The following NMNAT2 variants were observed in gnomAD, a reference collection of about 807,000 sequenced individuals.
NMNAT2 encodes the protein nicotinamide/nicotinic acid mononucleotide adenylyltransferase 2.
Under a neutral mutation model 41.6 loss-of-function variants are expected in NMNAT2, and 11 were observed. The observed-to-expected ratio is 0.26, with a 90% confidence interval of 0.17 to 0.44. The LOEUF (loss-of-function observed/expected upper bound fraction) is 0.44. Ranked by LOEUF, NMNAT2 falls within the 20% of genes least tolerant of loss-of-function variation. NMNAT2 has a pLI of 1.00. For synonymous variants in NMNAT2, 148 were observed against 151.2 expected, an observed-to-expected ratio of 0.98 and a Z score of 0.16; for missense variants, 288 against 407.7, an observed-to-expected ratio of 0.71 and a Z score of 2.53.
intron 1 of NMNAT2, among the ~76,000 whole-genome samples, chr1:183,308,475 C>G (rs547767819): frequency 3.3e-5 from 5 of 152,326 alleles, no homozygotes; most frequent in Non-Finnish European, 5.9e-5. Context: ...ACAGAAAAAA[C>G]TTGCACATGT....
At chr1:183,337,586 A>T (rs1438690994) in intron 1 of NMNAT2, among the ~76,000 whole-genome samples, 1 of 151,714 alleles carries the variant, frequency 6.6e-6, no homozygotes, top group Non-Finnish European at 1.5e-5. Context: ...AAAAAAAAAA[A>T]AAATACCATA....
At chr1:183,398,093 C>G (rs1054896356) in intron 1 of NMNAT2, among the ~76,000 whole-genome samples, 1 of 152,082 alleles carries the variant, frequency 6.6e-6, no homozygotes, top group Non-Finnish European at 1.5e-5. Context: ...GCTAAATGCT[C>G]CAATTAAAAG....
At chr1:183,257,805 C>T (rs1456013697) in intron 10 of NMNAT2, among the ~76,000 whole-genome samples, 1 of 147,860 alleles carries the variant, frequency 6.8e-6, no homozygotes, top group Non-Finnish European at 1.5e-5. Flanking sequence ...TTTCAAAAAA[C>T]CAACTCTTCA....
chr1:183,272,930 T>A (rs1442938798), intron 8 of NMNAT2, among the ~76,000 whole-genome samples: 2 of 152,200 alleles, frequency 1.3e-5, no homozygotes, highest in East Asian at 3.8e-4. Context: ...TGCCCTTCTG[T>A]CCCCAGTCAT....
chr1:183,410,774 A>T (rs1452881179), intron 1 of NMNAT2, among the ~76,000 whole-genome samples: 1 of 150,478 alleles, frequency 6.6e-6, no homozygotes, highest in African/African-American at 2.5e-5. Context: ...TAAGAGATGA[A>T]GTCTTGCTTT....
At chr1:183,302,164 C>T (rs1661870979) in intron 1 of NMNAT2, among the ~76,000 whole-genome samples, 1 of 152,158 alleles carries the variant, frequency 6.6e-6, no homozygotes, top group Admixed American at 6.5e-5. Context: ...CCCTAACAAA[C>T]ATTTAATAAG....
chr1:183,393,860 C>T (rs1035860697), intron 1 of NMNAT2, among the ~76,000 whole-genome samples: 24 of 152,280 alleles, frequency 1.6e-4, no homozygotes, highest in African/African-American at 5.8e-4. Context: ...AGGGCCTTGG[C>T]TCTTGATTTA....
intron 1 of NMNAT2, among the ~76,000 whole-genome samples, chr1:183,297,087 T>C (rs1312012015): frequency 6.6e-6 from 1 of 150,420 alleles, no homozygotes; most frequent in Admixed American, 6.7e-5. Context: ...CCCAAGCACT[T>C]CATTCAAACC....
chr1:183,393,375 G>C (rs753896680), intron 1 of NMNAT2, among the ~76,000 whole-genome samples: 1 of 152,084 alleles, frequency 6.6e-6, no homozygotes, highest in Admixed American at 6.5e-5. Context: ...TAAACGCCCA[G>C]CTTCAAGGTC....
At chr1:183,303,835 G>C (rs1661928286) in intron 1 of NMNAT2, among the ~76,000 whole-genome samples, 1 of 152,242 alleles carries the variant, frequency 6.6e-6, no homozygotes, top group Admixed American at 6.5e-5. Context: ...CCTTGGAACT[G>C]TTAGCTGAGT....
At chr1:183,275,874 G>A (rs751798709) in intron 8 of NMNAT2, among the ~76,000 whole-genome samples, 5 of 152,008 alleles carry the variant, frequency 3.3e-5, no homozygotes, top group Non-Finnish European at 5.9e-5. Flanking sequence ...GGGTTTCACC[G>A]TGTTAGCCAG....
chr1:183,320,391 G>A (rs1329122711), intron 1 of NMNAT2, among the ~76,000 whole-genome samples: 1 of 152,142 alleles, frequency 6.6e-6, no homozygotes. Flanking sequence ...TCGCCCTGAG[G>A]TCAGGAGTTC....
At chr1:183,417,541 G>A (rs1649289884) in intron 1 of NMNAT2, among the ~76,000 whole-genome samples, 1 of 152,054 alleles carries the variant, frequency 6.6e-6, no homozygotes, top group Non-Finnish European at 1.5e-5. Flanking sequence ...CCCTGAGGCC[G>A]AACCTAGGCG....
chr1:183,259,864 G>A (rs1450632439), intron 10 of NMNAT2, among the ~76,000 whole-genome samples: 1 of 152,168 alleles, frequency 6.6e-6, no homozygotes, highest in Admixed American at 6.5e-5. Flanking sequence ...CTCCCAAAGT[G>A]CTGGGATTAC....
chr1:183,396,737 T>C (rs1648662199), intron 1 of NMNAT2, among the ~76,000 whole-genome samples: 1 of 152,138 alleles, frequency 6.6e-6, no homozygotes, highest in Non-Finnish European at 1.5e-5. Flanking sequence ...CCCTTGGCCC[T>C]CTTCCAAGTG....
intron 1 of NMNAT2, among the ~76,000 whole-genome samples, chr1:183,308,931 C>T (rs1321081373): frequency 6.6e-6 from 1 of 152,186 alleles, no homozygotes; most frequent in Non-Finnish European, 1.5e-5. Context: ...GCTGGGAAAA[C>T]AGGCTGACGT....
chr1:183,354,096 C>T (rs1453011611), intron 1 of NMNAT2, among the ~76,000 whole-genome samples: 3 of 152,136 alleles, frequency 2.0e-5, no homozygotes, highest in Non-Finnish European at 4.4e-5. Flanking sequence ...CCTTTTTCCC[C>T]ACCATGTTTG....
At chr1:183,289,900 G>A (rs1206179086) in intron 4 of NMNAT2, among the ~76,000 whole-genome samples, 2 of 152,188 alleles carry the variant, frequency 1.3e-5, no homozygotes, top group Non-Finnish European at 2.9e-5. Flanking sequence ...CAAGACAGAG[G>A]GTGGAAGACA....
intron 8 of NMNAT2, among the ~76,000 whole-genome samples, chr1:183,277,168 T>A (rs572152454): frequency 3.3e-5 from 5 of 152,160 alleles, no homozygotes; most frequent in Admixed American, 6.5e-5. Flanking sequence ...ATTTCAGGGA[T>A]GGAAAAAACT....
Sources: gnomAD v4.1 joint callset for allele counts (sites outside exome capture counted in the v4.1 genomes callset) on GRCh38, gnomAD v4.1.1 for gene constraint, MANE v1.5 for transcripts, NCBI Gene and HGNC (gene_info 2026-07-23, HGNC 2026-07-21) for gene names.